DLG2: variants seen among roughly 807,000 people sequenced by gnomAD.
DLG2 encodes the protein discs large MAGUK scaffold protein 2.
In DLG2, 45 loss-of-function variants were observed where a neutral mutation model predicts 132.5. That is an observed-to-expected ratio of 0.34 (90% CI 0.27 to 0.44). DLG2 has a LOEUF of 0.44. Ranked by LOEUF, DLG2 falls within the 20% of genes least tolerant of loss-of-function variation. The pLI, the probability that DLG2 is intolerant of heterozygous loss-of-function variation, is 1.00. For missense variants in DLG2, 1,045 were observed against 1,196.9 expected, an observed-to-expected ratio of 0.87 and a Z score of 1.87; for synonymous variants, 424 against 419.6, an observed-to-expected ratio of 1.01 and a Z score of -0.13.
intron 7 of DLG2, among the ~76,000 whole-genome samples, chr11:84,425,397 G>A (rs2098963106): frequency 2.0e-5 from 3 of 151,984 alleles, no homozygotes; most frequent in Admixed American, 2.0e-4. Context: ...GCTGATAACT[G>A]CTAACAAGCA....
intron 3 of DLG2, 143 bp from the exon 4 acceptor site, chr11:85,285,508 G>A: frequency 1.5e-6 from 1 of 681,678 alleles, no homozygotes; most frequent in Non-Finnish European, 2.3e-6. Flanking sequence ...TAAAACAGAA[G>A]AAATCCTGAA....
intron 9 of DLG2, among the ~76,000 whole-genome samples, chr11:84,162,187 G>A (rs920972574): frequency 1.3e-5 from 2 of 152,058 alleles, no homozygotes; most frequent in South Asian, 2.1e-4. Context: ...GTTTATCATA[G>A]AAGGTTTATG....
At chr11:84,022,842 CA>C (rs751357879) in intron 11 of DLG2, among the ~76,000 whole-genome samples, 18 of 151,958 alleles carry the variant, frequency 1.2e-4, no homozygotes, top group Non-Finnish European at 2.1e-4. Context: ...AGGTGGTAGC[CA>C]AAATGTTAAT....
intron 6 of DLG2, among the ~76,000 whole-genome samples, chr11:84,811,100 T>C (rs1448588700): frequency 6.6e-6 from 1 of 152,188 alleles, no homozygotes; most frequent in Non-Finnish European, 1.5e-5. Context: ...CGCTCTGTAT[T>C]ATTTCTGACA....
At chr11:85,267,187 G>A (rs187585709) in intron 4 of DLG2, among the ~76,000 whole-genome samples, 13 of 152,316 alleles carry the variant, frequency 8.5e-5, no homozygotes, top group Admixed American at 2.6e-4. Flanking sequence ...AAAAAGACAT[G>A]AGAGGACTTA....
intron 21 of DLG2, among the ~76,000 whole-genome samples, chr11:83,515,631 G>A (rs190494044): frequency 6.6e-6 from 1 of 152,256 alleles, no homozygotes; most frequent in East Asian, 1.9e-4. Context: ...GTCAATTTTA[G>A]ATCTTTCCTG....
intron 23 of DLG2, 63 bp from the exon 24 acceptor site, chr11:83,471,790 C>T: frequency 1.5e-6 from 2 of 1,334,850 alleles, no homozygotes; most frequent in Non-Finnish European, 2.1e-6. Context: ...GCAAAACTGT[C>T]CTGCAAGGGT....
chr11:85,209,700 A>T (rs1407937043), intron 4 of DLG2, among the ~76,000 whole-genome samples: 1 of 148,896 alleles, frequency 6.7e-6, no homozygotes, highest in Non-Finnish European at 1.5e-5. Context: ...TCGGCCTCCC[A>T]AAGTTCTGGG....
At chr11:83,827,308 T>C (rs918869611) in intron 17 of DLG2, among the ~76,000 whole-genome samples, 1 of 152,188 alleles carries the variant, frequency 6.6e-6, no homozygotes. Context: ...GTCTGTATAG[T>C]GCTCATATTC....
chr11:84,527,892 T>TG (rs1491262396), intron 7 of DLG2, among the ~76,000 whole-genome samples: 3 of 127,058 alleles, frequency 2.4e-5, no homozygotes, highest in Middle Eastern at 4.1e-3. Flanking sequence ...ACTCCCTCCC[T>TG]TTCTCTCTCT....
At chr11:84,799,666 G>A (rs1203780890) in intron 6 of DLG2, among the ~76,000 whole-genome samples, 1 of 152,042 alleles carries the variant, frequency 6.6e-6, no homozygotes, top group Non-Finnish European at 1.5e-5. Flanking sequence ...AGATAATTTT[G>A]AGACTCTCTT....
At chr11:83,872,915 A>G (rs185873853) in intron 16 of DLG2, among the ~76,000 whole-genome samples, 2 of 152,348 alleles carry the variant, frequency 1.3e-5, no homozygotes, top group Admixed American at 6.5e-5. Flanking sequence ...CACCTCAGCT[A>G]CATAGTATGC....
chr11:85,257,891 G>C (rs2076748705), intron 4 of DLG2, among the ~76,000 whole-genome samples: 1 of 152,158 alleles, frequency 6.6e-6, no homozygotes, highest in African/African-American at 2.4e-5. Flanking sequence ...TAAGGTTTGA[G>C]AGGTTATGAA....
At chr11:84,275,117 G>C (rs1169945383) in intron 7 of DLG2, among the ~76,000 whole-genome samples, 1 of 152,114 alleles carries the variant, frequency 6.6e-6, no homozygotes, top group East Asian at 1.9e-4. Context: ...CATTATTCCA[G>C]ACCCCACTTG....
chr11:84,953,444 T>C (rs932088433), intron 6 of DLG2, among the ~76,000 whole-genome samples: 1 of 152,208 alleles, frequency 6.6e-6, no homozygotes, highest in Non-Finnish European at 1.5e-5. Context: ...CATTCCCCAC[T>C]GTGCCATACT....
chr11:85,085,355 T>C (rs1566817294), intron 6 of DLG2, among the ~76,000 whole-genome samples: 1 of 152,124 alleles, frequency 6.6e-6, no homozygotes, highest in African/African-American at 2.4e-5. Context: ...GGACATCTCA[T>C]GATGCTAGAA....
intron 18 of DLG2, among the ~76,000 whole-genome samples, chr11:83,651,331 C>T (rs900045112): frequency 6.6e-6 from 1 of 152,112 alleles, no homozygotes; most frequent in East Asian, 1.9e-4. Flanking sequence ...ATAATGCCAA[C>T]TACAATTACA....
chr11:84,359,150 G>A (rs769552081), intron 7 of DLG2, among the ~76,000 whole-genome samples: 3 of 151,864 alleles, frequency 2.0e-5, no homozygotes, highest in Non-Finnish European at 2.9e-5. Context: ...TCCCTAGACT[G>A]AATAAGCCTT....
At chr11:84,598,238 T>C (rs1202504768) in intron 6 of DLG2, among the ~76,000 whole-genome samples, 2 of 152,174 alleles carry the variant, frequency 1.3e-5, no homozygotes, top group African/African-American at 4.8e-5. Context: ...AACCACCAAC[T>C]AGTACTTGCA....
Sources: gnomAD v4.1 joint callset for allele counts (sites outside exome capture counted in the v4.1 genomes callset) on GRCh38, gnomAD v4.1.1 for gene constraint, MANE v1.5 for transcripts, NCBI Gene and HGNC (gene_info 2026-07-23, HGNC 2026-07-21) for gene names.